The following GABRB1 variants were observed in gnomAD, a reference collection of about 807,000 sequenced individuals.
GABRB1 encodes the protein gamma-aminobutyric acid type A receptor subunit beta1.
GABRB1 carries 17 observed loss-of-function variants against 51.6 expected under a neutral mutation model. That is an observed-to-expected ratio of 0.33 (90% CI 0.23 to 0.49). The LOEUF is 0.49. Among genes scored for constraint, GABRB1 ranks in the 20% least tolerant of loss-of-function variants. The probability of loss-of-function intolerance (pLI) is 0.99; values close to 1 mark genes in which losing one functional copy is unlikely to be tolerated. For missense variants in GABRB1, 410 were observed against 600.6 expected, an observed-to-expected ratio of 0.68 and a Z score of 3.32; for synonymous variants, 247 against 218.9, an observed-to-expected ratio of 1.13 and a Z score of -1.14.
rs1491436729 is a variant in GABRB1 at position 47,007,894 on chromosome 4, A to ATATATATATATATAT, written c.-20+13968_-20+13969insTATATATATATATAT. ...TATATATATATATATATATATATATAAAATCAAGTTTGTATTTTTAAATAG... is the reference window on the plus strand; with the variant it reads ...TATATATATATATATATATATATATATATATATATATATATAAATCAAGTTTGTATTTTTAAATAG... On this transcript the variant is annotated intron_variant, in intron 1 of 3. Transcript: ENST00000513567. 1.5e-3 allele frequency among the ~76,000 whole-genome samples: 49 copies of ATATATATATATATAT among 33,402 alleles called. 1 individual carries two copies. The highest frequency in any genetic ancestry group is 3.4e-3 in the South Asian group (3 of 876). 21.9% of individuals were successfully genotyped at this position (33,402 alleles called of 152,430 possible).
At chr4:47,378,136 G>A (rs1273615774) in intron 5 of GABRB1, among the ~76,000 whole-genome samples, 1 of 152,226 alleles carries the variant, frequency 6.6e-6, no homozygotes, top group Non-Finnish European at 1.5e-5. Flanking sequence ...GGAGCCCACA[G>A]AGGCGGGGAG....
chr4:47,410,319 GAA>G (rs1728719754), intron 8 of GABRB1, among the ~76,000 whole-genome samples: 1 of 152,140 alleles, frequency 6.6e-6, no homozygotes, highest in Non-Finnish European at 1.5e-5. Context: ...CCTATTGATA[GAA>G]ATAATAAACT....
intron 5 of GABRB1, among the ~76,000 whole-genome samples, chr4:47,391,659 A>G (rs1727996949): frequency 6.6e-6 from 1 of 152,232 alleles, no homozygotes. Context: ...ACTTACCTGT[A>G]AGGCCTCTGT....
rs148850445 is a variant in GABRB1 at position 47,091,848 on chromosome 4, C to T, written c.240+59364C>T. On this transcript the variant is annotated intron_variant, in intron 3 of 8. Transcript: ENST00000295454. Reference sequence around the variant, plus strand: ...CCTGGCTTTCTGCCCTCCACCACACCGGCCTCCACCAGCTACCTCCCGCTG... The same window carrying T: ...CCTGGCTTTCTGCCCTCCACCACACTGGCCTCCACCAGCTACCTCCCGCTG... 3.2e-3 allele frequency among the ~76,000 whole-genome samples: 482 copies of T among 152,298 alleles called. 2 individuals carry two copies. The highest frequency in any genetic ancestry group is 9.8e-3 in the African/African-American group (408 of 41,558).
chr4:47,082,606 T>C (rs1049864816), intron 3 of GABRB1, among the ~76,000 whole-genome samples: 1 of 152,066 alleles, frequency 6.6e-6, no homozygotes, highest in Non-Finnish European at 1.5e-5. Context: ...CAGCAGGAAG[T>C]GTAATGGGCT....
At chr4:47,086,835 G>T (rs1728100673) in intron 3 of GABRB1, among the ~76,000 whole-genome samples, 1 of 152,154 alleles carries the variant, frequency 6.6e-6, no homozygotes, top group African/African-American at 2.4e-5. Context: ...CAGTGGCTAA[G>T]GGCTGCTGGA....
chr4:47,092,265 C>T (rs1728338044), intron 3 of GABRB1, among the ~76,000 whole-genome samples: 1 of 148,364 alleles, frequency 6.7e-6, no homozygotes, highest in African/African-American at 2.5e-5. Flanking sequence ...CTTGGCCTCC[C>T]TGGTTCAAAT....
intron 5 of GABRB1, among the ~76,000 whole-genome samples, chr4:47,321,220 G>C (rs918147553): frequency 1.3e-5 from 2 of 152,108 alleles, no homozygotes; most frequent in Non-Finnish European, 2.9e-5. Context: ...TATTTAGATA[G>C]TCTAAAATAC....
intron 5 of GABRB1, among the ~76,000 whole-genome samples, chr4:47,330,431 C>T (rs1725436625): frequency 1.3e-5 from 2 of 152,228 alleles, no homozygotes; most frequent in African/African-American, 4.8e-5. Context: ...CGATATGTGG[C>T]TCTTTGTACT....
intron 8 of GABRB1, among the ~76,000 whole-genome samples, chr4:47,423,038 C>T (rs937869775): frequency 6.6e-6 from 1 of 152,120 alleles, no homozygotes; most frequent in African/African-American, 2.4e-5. Flanking sequence ...CCCTGAGCAC[C>T]CCAATAGCTC....
intron 1 of GABRB1, among the ~76,000 whole-genome samples, chr4:47,006,257 C>G (rs1724394889): frequency 6.6e-6 from 1 of 152,022 alleles, no homozygotes; most frequent in Non-Finnish European, 1.5e-5. Flanking sequence ...CTTTCACAGA[C>G]AGACCCTTCA....
At chr4:47,093,593 C>T (rs2109591381) in intron 3 of GABRB1, among the ~76,000 whole-genome samples, 1 of 152,268 alleles carries the variant, frequency 6.6e-6, no homozygotes, top group South Asian at 2.1e-4. Context: ...AAAAAAATCT[C>T]ATATTACTTA....
chr4:47,297,698 A>G (rs535045865), intron 4 of GABRB1, among the ~76,000 whole-genome samples: 2 of 152,334 alleles, frequency 1.3e-5, no homozygotes, highest in African/African-American at 4.8e-5. Context: ...AACTGGTACC[A>G]TTCCTTCTGA....
At chr4:47,004,917 T>C (rs998237378) in intron 1 of GABRB1, among the ~76,000 whole-genome samples, 3 of 152,208 alleles carry the variant, frequency 2.0e-5, no homozygotes, top group Non-Finnish European at 4.4e-5. Flanking sequence ...CGAAGGTCAA[T>C]GGCATGCAGT....
intron 4 of GABRB1, among the ~76,000 whole-genome samples, chr4:47,313,840 G>A (rs1724792501): frequency 2.0e-5 from 3 of 152,004 alleles, no homozygotes; most frequent in Non-Finnish European, 4.4e-5. Flanking sequence ...TGGGTCTTTG[G>A]TGACCATATT....
intron 5 of GABRB1, among the ~76,000 whole-genome samples, chr4:47,385,127 C>A (rs1004074477): frequency 1.3e-5 from 2 of 152,116 alleles, no homozygotes; most frequent in African/African-American, 2.4e-5. Flanking sequence ...TTAACCAGAG[C>A]AGAAATTACT....
chr4:47,216,444 A>G (rs2109817292), intron 4 of GABRB1, among the ~76,000 whole-genome samples: 1 of 152,018 alleles, frequency 6.6e-6, no homozygotes, highest in South Asian at 2.1e-4. Flanking sequence ...AACCTTAGCG[A>G]TATTTCTGAG....
intron 3 of GABRB1, among the ~76,000 whole-genome samples, chr4:47,070,967 C>T (rs1481725918): frequency 1.3e-5 from 2 of 152,174 alleles, no homozygotes; most frequent in Non-Finnish European, 2.9e-5. Context: ...TCAAATTTAA[C>T]ATATCCAAAC....
chr4:47,300,779 A>C (rs928084282), intron 4 of GABRB1, among the ~76,000 whole-genome samples: 1 of 152,114 alleles, frequency 6.6e-6, no homozygotes, highest in Non-Finnish European at 1.5e-5. Flanking sequence ...GAAACCCAAA[A>C]ACTCATAGTC....
Sources: allele counts gnomAD v4.1 joint callset (sites outside exome capture counted in the v4.1 genomes callset), GRCh38; gene constraint gnomAD v4.1.1; transcripts MANE v1.5; gene names NCBI Gene and HGNC (gene_info 2026-07-23, HGNC 2026-07-21).